The following HYDIN variants were observed in gnomAD, a reference collection of about 807,000 sequenced individuals.
The protein encoded by HYDIN is HYDIN axonemal central pair apparatus protein, also known as axonemal central pair apparatus protein HYDIN.
In HYDIN, 132 loss-of-function variants were observed where a neutral mutation model predicts 403.9. The observed-to-expected ratio is 0.33, with a 90% CI of 0.28 to 0.38. The LOEUF (loss-of-function observed/expected upper bound fraction) is 0.38, where lower values mean the gene tolerates loss of function less well. Among genes scored for constraint, HYDIN ranks in the 10% least tolerant of loss-of-function variants. The pLI, the probability that HYDIN is intolerant of heterozygous loss-of-function variation, is 1.00. For missense variants in HYDIN, 2,827 were observed against 5,009.5 expected, an observed-to-expected ratio of 0.56 and a Z score of 13.15; for synonymous variants, 1,202 against 1,891.7, an observed-to-expected ratio of 0.64 and a Z score of 9.46.
intron 2 of HYDIN, 48 bp from the exon 3 acceptor site, chr16:71,185,038 G>GAAAAAAAAAAA (rs1422899574): frequency 7.0e-7 from 1 of 1,431,770 alleles, no homozygotes; most frequent in African/African-American, 1.4e-5. Flanking sequence ...TGGATGTACT[G>GAAAAAAAAAAA]AAAAAGTGTT....
intron 10 of HYDIN, among the ~76,000 whole-genome samples, chr16:71,095,087 AC>A (rs1051248142): frequency 6.9e-6 from 1 of 145,220 alleles, no homozygotes; most frequent in Non-Finnish European, 1.5e-5. Flanking sequence ...GCATAATGCA[AC>A]TATCCTGTGT....
At chr16:70,877,103 A>G (rs1431241131) in intron 62 of HYDIN, among the ~76,000 whole-genome samples, 2 of 150,946 alleles carry the variant, frequency 1.3e-5, no homozygotes, top group Middle Eastern at 6.3e-3. Flanking sequence ...CAATACAGTT[A>G]AAGGGAGAGT....
intron 23 of HYDIN, among the ~76,000 whole-genome samples, chr16:71,016,155 G>A (rs894355046): frequency 1.2e-4 from 19 of 152,136 alleles, no homozygotes; most frequent in African/African-American, 4.1e-4. Flanking sequence ...AAGCTTCTGC[G>A]CAGCAAAGGA....
At chr16:70,990,090 A>G (rs2079297766) in intron 25 of HYDIN, among the ~76,000 whole-genome samples, 1 of 152,152 alleles carries the variant, frequency 6.6e-6, no homozygotes, top group African/African-American at 2.4e-5. Context: ...GGAAAAGTAA[A>G]AGAGTTAATG....
At chr16:71,099,841 C>T (rs1175840023) in intron 10 of HYDIN, among the ~76,000 whole-genome samples, 2 of 151,560 alleles carry the variant, frequency 1.3e-5, no homozygotes, top group African/African-American at 4.8e-5. Context: ...GTCTCTACAA[C>T]TTTTTAAAAA....
intron 1 of HYDIN, among the ~76,000 whole-genome samples, chr16:71,212,213 G>A (rs1422592912): frequency 6.6e-6 from 1 of 152,150 alleles, no homozygotes; most frequent in Admixed American, 6.5e-5. Flanking sequence ...TTTTAAATTT[G>A]TAGGCTGTGA....
intron 23 of HYDIN, among the ~76,000 whole-genome samples, chr16:71,012,291 G>A (rs921440558): frequency 6.6e-5 from 10 of 152,236 alleles, no homozygotes; most frequent in African/African-American, 2.2e-4. Context: ...GGCCAGCCCC[G>A]GCACTTCCTG....
Position 70,979,584 on chromosome 16 carries a change from C to T in HYDIN, c.4511-543G>A, listed in dbSNP as rs1024838054. On this transcript the variant is annotated intron_variant, in intron 29 of 85. Coordinates refer to ENST00000393567, the MANE Select transcript of HYDIN (RefSeq NM_001270974.2). ...AGATTCCCACCCGAATTTACCACTA[C>T]GCCCGTGCAAATTCAAATCCTTTGA... Among the ~76,000 whole-genome samples the T allele has an allele frequency of 3.3e-5, 5 of 152,200 alleles. No homozygotes were observed. In the East Asian group the frequency reaches 5.8e-4, roughly 18 times the overall value.
At chr16:71,028,286 A>G (rs1344033512) in intron 19 of HYDIN, among the ~76,000 whole-genome samples, 4 of 152,148 alleles carry the variant, frequency 2.6e-5, no homozygotes, top group African/African-American at 7.2e-5. Context: ...AATGGGCTCA[A>G]TTTGAAGGAA....
chr16:71,008,475 T>C (rs2079963743), intron 23 of HYDIN, among the ~76,000 whole-genome samples: 1 of 152,158 alleles, frequency 6.6e-6, no homozygotes. Context: ...TGGTCAAGAT[T>C]ACGGCAGCTT....
At chr16:70,833,089 A>G in intron 79 of HYDIN, 22 bp from the exon 80 acceptor site, 1 of 1,596,240 alleles carries the variant, frequency 6.3e-7, no homozygotes, top group Non-Finnish European at 8.5e-7. Context: ...AAAAGAAGAA[A>G]AGAAAGAGAG....
At position 70,940,719 on chromosome 16, in the gene HYDIN, C is replaced by T. The variant is rs550594013; in HGVS notation, c.6853+917G>A. The stretch of plus-strand genomic sequence containing the variant: ...GCTCCAGATTTTTCTCAGGATGAGA[C>T]TATAAAGAAGCTGACTTTGAGTTCT... On this transcript the variant is annotated intron_variant, in intron 43 of 85. Coordinates refer to ENST00000393567, the MANE Select transcript of HYDIN (RefSeq NM_001270974.2). Among the ~76,000 whole-genome samples the T allele has an allele frequency of 3.7e-3, 570 of 152,176 alleles. 1 individual carries two copies. The highest frequency in any genetic ancestry group is 6.7e-3 in the Non-Finnish European group (455 of 67,962).
chr16:70,896,418 T>G (rs1268221916), intron 53 of HYDIN, among the ~76,000 whole-genome samples: 1 of 152,134 alleles, frequency 6.6e-6, no homozygotes, highest in Non-Finnish European at 1.5e-5. Context: ...AGTGGCGCAA[T>G]CTCGGCTCAC....
Position 70,837,756 on chromosome 16 carries a change from A to C in HYDIN, c.13176T>G (p.Ile4392Met). Residue 4392 changes from isoleucine (I) to methionine (M), a missense_variant, in exon 77 of 86, where the codon ATT becomes ATG. Ile to Met is a conservative substitution (Grantham distance 10). Transcript: ENST00000393567. ...PRESINYQEL[I>M]PFEINGLSQQ... ...GTGAGAGCCCATTGATTTCAAAGGG[A>C]ATGAGTTCTTGATAGTTGATACTTT... The C allele has an allele frequency of 6.2e-7, 1 of 1,613,876 alleles. No homozygotes were observed. Among genetic ancestry groups the C allele is most frequent in the Non-Finnish European group, 8.5e-7 (1 of 1,179,826 alleles).
chr16:70,939,104 G>A (rs554941119), intron 43 of HYDIN, among the ~76,000 whole-genome samples: 8 of 152,310 alleles, frequency 5.3e-5, no homozygotes, highest in Non-Finnish European at 7.4e-5. Flanking sequence ...GGGTCCTTTC[G>A]AGGGATGCAG....
At chr16:71,139,892 C>T (rs2144544714) in intron 7 of HYDIN, among the ~76,000 whole-genome samples, 1 of 151,566 alleles carries the variant, frequency 6.6e-6, no homozygotes, top group East Asian at 1.9e-4. Context: ...TTCAAAAGGC[C>T]AGTGAAAGTC....
At chr16:71,171,030 T>C (rs1478672377) in intron 5 of HYDIN, among the ~76,000 whole-genome samples, 1 of 152,198 alleles carries the variant, frequency 6.6e-6, no homozygotes, top group African/African-American at 2.4e-5. Flanking sequence ...TGGCTTCCTA[T>C]CCCACTTTGC....
chr16:71,227,586 A>C (rs906429735), intron 1 of HYDIN, among the ~76,000 whole-genome samples: 6 of 152,202 alleles, frequency 3.9e-5, no homozygotes, highest in East Asian at 3.8e-4. Context: ...AGAATAAAAT[A>C]CCTAGGAATC....
chr16:70,959,962 C>G, intron 38 of HYDIN, 142 bp from the exon 39 acceptor site: 1 of 624,804 alleles, frequency 1.6e-6, no homozygotes, highest in South Asian at 2.1e-5. Flanking sequence ...CAGCAGTCCC[C>G]ACTTGTAGTG....
Sources: allele counts gnomAD v4.1 joint callset (sites outside exome capture counted in the v4.1 genomes callset), GRCh38; gene constraint gnomAD v4.1.1; transcripts MANE v1.5; gene names NCBI Gene and HGNC (gene_info 2026-07-23, HGNC 2026-07-21).